The following RBFOX3 variants were observed in gnomAD, a reference collection of about 807,000 sequenced individuals.
The protein encoded by RBFOX3 is RNA binding protein fox-1 homolog 3.
Under a neutral mutation model 48.7 loss-of-function variants are expected in RBFOX3, and 17 were observed. The observed-to-expected ratio is 0.35, with a 90% CI of 0.24 to 0.52. The LOEUF (loss-of-function observed/expected upper bound fraction) is 0.52, where lower values mean the gene tolerates loss of function less well. Ranked by LOEUF, RBFOX3 falls within the 20% of genes least tolerant of loss-of-function variation. The pLI is 0.94. For missense variants in RBFOX3, 382 were observed against 497.5 expected, an observed-to-expected ratio of 0.77 and a Z score of 2.21; for synonymous variants, 212 against 209.5, an observed-to-expected ratio of 1.01 and a Z score of -0.10.
At chr17:79,300,492 A>G (rs1225138784) in intron 3 of RBFOX3, among the ~76,000 whole-genome samples, 1 of 152,230 alleles carries the variant, frequency 6.6e-6, no homozygotes, top group Non-Finnish European at 1.5e-5. Context: ...AAATAGAGAC[A>G]TAGACTTTGG....
intron 2 of RBFOX3, among the ~76,000 whole-genome samples, chr17:79,347,699 G>A (rs1465255411): frequency 3.3e-5 from 5 of 151,718 alleles, no homozygotes; most frequent in African/African-American, 7.3e-5. Flanking sequence ...ATTTCTACTC[G>A]GTTCCTTTGT....
intron 3 of RBFOX3, among the ~76,000 whole-genome samples, chr17:79,273,829 G>C (rs1040833597): frequency 6.6e-6 from 1 of 152,224 alleles, no homozygotes; most frequent in Non-Finnish European, 1.5e-5. Flanking sequence ...TCCTGCCACA[G>C]TGACAGGCAG....
intron 3 of RBFOX3, among the ~76,000 whole-genome samples, chr17:79,247,162 A>G (rs2063288607): frequency 6.6e-6 from 1 of 152,298 alleles, no homozygotes; most frequent in South Asian, 2.1e-4. Flanking sequence ...GCTGGCTGCT[A>G]GAATGGCTGG....
At chr17:79,326,695 G>A (rs1296030918) in intron 2 of RBFOX3, among the ~76,000 whole-genome samples, 1 of 152,108 alleles carries the variant, frequency 6.6e-6, no homozygotes, top group Non-Finnish European at 1.5e-5. Context: ...CTCCTCTCCA[G>A]CTGCATTACT....
intron 2 of RBFOX3, among the ~76,000 whole-genome samples, chr17:79,383,189 C>T (rs1166367262): frequency 6.6e-6 from 1 of 152,280 alleles, no homozygotes; most frequent in Middle Eastern, 3.4e-3. Flanking sequence ...ATCCATAGAC[C>T]AGGGACAATA....
chr17:79,140,901 C>G (rs564735404), intron 4 of RBFOX3, among the ~76,000 whole-genome samples: 2 of 152,212 alleles, frequency 1.3e-5, no homozygotes, highest in Admixed American at 6.5e-5. Flanking sequence ...TGGGGTTGGT[C>G]CCTTGAAAGG....
In RBFOX3 at chr17:79,514,240, C is replaced by A. The variant is rs1203920158; in HGVS notation, c.-319-31642G>T. Among the ~76,000 whole-genome samples the A allele has an allele frequency of 5.3e-5, 8 of 152,320 alleles. No homozygotes were observed. In the East Asian group the frequency reaches 1.5e-3, roughly 29 times the overall value. On this transcript the variant is annotated intron_variant, in intron 1 of 14. Coordinates refer to ENST00000693108, the MANE Select transcript of RBFOX3 (RefSeq NM_001350451.2). The stretch of plus-strand genomic sequence containing the variant: ...CTCCCAGCGTCCACACAGCCAGGCA[C>A]CCCCTCACCCCACCCTTCCCAACAG...
At chr17:79,160,192 A>C (rs1225346347) in intron 4 of RBFOX3, among the ~76,000 whole-genome samples, 1 of 152,204 alleles carries the variant, frequency 6.6e-6, no homozygotes, top group African/African-American at 2.4e-5. Context: ...GGAAAAATCC[A>C]TGTGTGATTC....
At chr17:79,284,608 C>G (rs550038369) in intron 3 of RBFOX3, among the ~76,000 whole-genome samples, 16 of 148,596 alleles carry the variant, frequency 1.1e-4, no homozygotes, top group Non-Finnish European at 2.2e-4. Context: ...GGCTTGATCT[C>G]GACTTACTGC....
intron 1 of RBFOX3, chr17:79,599,488 G>C (rs1458143208): frequency 6.6e-6 from 1 of 152,260 alleles, no homozygotes; most frequent in Non-Finnish European, 1.5e-5. Flanking sequence ...TATTCGTGCC[G>C]TGACCGTGAA....
chr17:79,430,427 A>G (rs2068220064), intron 2 of RBFOX3, among the ~76,000 whole-genome samples: 1 of 152,222 alleles, frequency 6.6e-6, no homozygotes, highest in Non-Finnish European at 1.5e-5. Flanking sequence ...ACTATAGTTC[A>G]TTTAACTGTC....
chr17:79,165,077 C>G (rs913745174), intron 4 of RBFOX3, among the ~76,000 whole-genome samples: 1 of 152,172 alleles, frequency 6.6e-6, no homozygotes, highest in Admixed American at 6.5e-5. Flanking sequence ...CCACACCTAA[C>G]AGGCAGGGTG....
chr17:79,506,609 G>T (rs1471895657), intron 1 of RBFOX3, among the ~76,000 whole-genome samples: 2 of 152,222 alleles, frequency 1.3e-5, no homozygotes, highest in African/African-American at 4.8e-5. Context: ...AGATGGCGAG[G>T]AAAGAGCCAA....
At chr17:79,512,109 G>A (rs2084373799) in intron 1 of RBFOX3, among the ~76,000 whole-genome samples, 1 of 133,416 alleles carries the variant, frequency 7.5e-6, no homozygotes, top group Non-Finnish European at 1.6e-5. Context: ...CCCATGGCCA[G>A]GGGACACCCA....
intron 1 of RBFOX3, among the ~76,000 whole-genome samples, chr17:79,537,131 A>AT (rs1568390107): frequency 2.0e-5 from 3 of 151,200 alleles, no homozygotes; most frequent in Non-Finnish European, 4.4e-5. Context: ...AAAAAAAAAA[A>AT]CCAAAAAAGC....
At chr17:79,450,561 A>T (rs1240786614) in intron 2 of RBFOX3, among the ~76,000 whole-genome samples, 1 of 151,306 alleles carries the variant, frequency 6.6e-6, no homozygotes, top group Non-Finnish European at 1.5e-5. Context: ...TTATATTATG[A>T]TGGGCTTATC....
intron 1 of RBFOX3, among the ~76,000 whole-genome samples, chr17:79,590,045 G>A (rs2093371762): frequency 6.6e-6 from 1 of 152,154 alleles, no homozygotes; most frequent in Non-Finnish European, 1.5e-5. Context: ...CACTGCAGGG[G>A]CGGTGGGGGA....
chr17:79,513,731 A>G (rs1268625420), intron 1 of RBFOX3, among the ~76,000 whole-genome samples: 2 of 152,174 alleles, frequency 1.3e-5, no homozygotes, highest in Non-Finnish European at 2.9e-5. Context: ...TGCCTACCAG[A>G]AAGAACCGTC....
chr17:79,157,015 C>G (rs2045958503), intron 4 of RBFOX3, among the ~76,000 whole-genome samples: 1 of 152,196 alleles, frequency 6.6e-6, no homozygotes, highest in Non-Finnish European at 1.5e-5. Context: ...CTGGCCAGAG[C>G]AGCAGCCCCT....
Sources: gnomAD v4.1 joint callset for allele counts (sites outside exome capture counted in the v4.1 genomes callset) on GRCh38, gnomAD v4.1.1 for gene constraint, MANE v1.5 for transcripts, NCBI Gene and HGNC (gene_info 2026-07-23, HGNC 2026-07-21) for gene names.